ELP4: variants seen among roughly 807,000 people sequenced by gnomAD.
ELP4 encodes the protein elongator acetyltransferase complex subunit 4.
A neutral mutation model predicts 48.9 loss-of-function variants in ELP4; 51 were observed. The observed-to-expected ratio is 1.04, with a 90% CI of 0.83 to 1.32. The LOEUF is 1.32. Among genes scored for constraint, ELP4 ranks in the 40% most tolerant of loss-of-function variants. The pLI, the probability that ELP4 is intolerant of heterozygous loss-of-function variation, is 0.00. For synonymous variants in ELP4, 210 were observed against 189.2 expected, an observed-to-expected ratio of 1.11 and a Z score of -0.90; for missense variants, 519 against 514.6, an observed-to-expected ratio of 1.01 and a Z score of -0.08.
chr11:31,751,885 A>G (rs1225534001), intron 9 of ELP4, among the ~76,000 whole-genome samples: 1 of 152,126 alleles, frequency 6.6e-6, no homozygotes, highest in Non-Finnish European at 1.5e-5. Context: ...GCTACCCTTT[A>G]CAATATGCCA....
At chr11:31,651,471 G>A (rs1945317383) in intron 9 of ELP4, 1 of 151,780 alleles carries the variant, frequency 6.6e-6, no homozygotes, top group Admixed American at 6.6e-5. Flanking sequence ...AAAAGAGTGA[G>A]AGTGTGGAAA....
At chr11:31,708,867 A>T (rs77604363) in intron 9 of ELP4, among the ~76,000 whole-genome samples, 1 of 152,156 alleles carries the variant, frequency 6.6e-6, no homozygotes. Flanking sequence ...TTGAATAATT[A>T]TGCAAGGAAA....
intron 2 of ELP4, among the ~76,000 whole-genome samples, chr11:31,533,840 G>GTT (rs1388554477): frequency 6.6e-6 from 1 of 151,426 alleles, no homozygotes; most frequent in Non-Finnish European, 1.5e-5. Flanking sequence ...GTTTTGTTTT[G>GTT]TTTTGTTTTG....
chr11:31,520,803 A>G (rs1169164947), intron 2 of ELP4, among the ~76,000 whole-genome samples: 4 of 152,068 alleles, frequency 2.6e-5, no homozygotes, highest in Non-Finnish European at 5.9e-5. Context: ...TCCAAACTAA[A>G]TGGACATCAT....
chr11:31,554,156 G>C (rs1307606332), intron 3 of ELP4, among the ~76,000 whole-genome samples: 1 of 152,174 alleles, frequency 6.6e-6, no homozygotes, highest in Non-Finnish European at 1.5e-5. Flanking sequence ...ATTATGGTCA[G>C]TTATATAATT....
At chr11:31,662,473 A>G (rs1314553220) in intron 9 of ELP4, 2 of 396,202 alleles carry the variant, frequency 5.0e-6, no homozygotes, top group Non-Finnish European at 4.5e-6. Flanking sequence ...TTGTTTTAAT[A>G]CATTTTATTG....
intron 9 of ELP4, among the ~76,000 whole-genome samples, chr11:31,745,752 A>G (rs1947574805): frequency 6.6e-6 from 1 of 152,340 alleles, no homozygotes; most frequent in East Asian, 1.9e-4. Context: ...AAGATGGATT[A>G]AAGACTTAAA....
In ELP4 at chr11:31,670,608, G is replaced by A. The variant is rs567897472; in HGVS notation, c.1143+20387G>A. On this transcript the variant is annotated intron_variant, in intron 9 of 9. Transcript: ENST00000640961. ...TTTATGCTAGGGACATCAAAGATGA[G>A]GACAAAAATGTCACATTGTGATTCT... Among the ~76,000 whole-genome samples, 28 of 151,836 alleles carry A rather than the reference G, an allele frequency of 1.8e-4. 1 individual carries two copies. The highest frequency in any genetic ancestry group is 3.1e-4 in the Non-Finnish European group (21 of 67,940).
chr11:31,776,948 T>G (rs1948260704), intron 9 of ELP4, among the ~76,000 whole-genome samples: 1 of 152,208 alleles, frequency 6.6e-6, no homozygotes, highest in South Asian at 2.1e-4. Context: ...AAATGTACAC[T>G]TGCCAATCCA....
Position 31,787,446 on chromosome 11 carries a change from T to C in ELP4, c.*3922T>C. The C allele has an allele frequency of 4.3e-6, 1 of 233,170 alleles. No homozygotes were observed. The highest frequency in any genetic ancestry group is 8.5e-6 in the Non-Finnish European group (1 of 118,002). The allele number at this position is 233,170 out of a possible 1,614,324, so 14.4% of individuals were successfully genotyped here. ...TGGGCCGGAACTGGCTGCCTGACCG[T>C]GGTGGAAATTACAGCCAGCGAGAAG... On this transcript the variant is annotated 3_prime_UTR_variant, in exon 10 of 10. Transcript: ENST00000640961.
chr11:31,776,507 G>A (rs1294532556), intron 9 of ELP4, among the ~76,000 whole-genome samples: 1 of 152,216 alleles, frequency 6.6e-6, no homozygotes, highest in African/African-American at 2.4e-5. Flanking sequence ...TCTCTGAAAA[G>A]GAGAATAGAT....
intron 9 of ELP4, among the ~76,000 whole-genome samples, chr11:31,704,756 A>C (rs1364598697): frequency 1.3e-5 from 2 of 152,174 alleles, no homozygotes; most frequent in Admixed American, 6.5e-5. Flanking sequence ...TCATGCCTGT[A>C]ATCCAGCATT....
chr11:31,547,789 C>G (rs186874343), intron 3 of ELP4, among the ~76,000 whole-genome samples: 7 of 152,098 alleles, frequency 4.6e-5, no homozygotes, highest in Non-Finnish European at 8.8e-5. Context: ...TTATCCACCA[C>G]GATCAAGTGG....
intron 9 of ELP4, among the ~76,000 whole-genome samples, chr11:31,679,083 C>T (rs759885525): frequency 1.3e-5 from 2 of 152,096 alleles, no homozygotes; most frequent in Non-Finnish European, 2.9e-5. Context: ...GTTGTCTATG[C>T]ACATCTTTTG....
intron 5 of ELP4, among the ~76,000 whole-genome samples, chr11:31,623,311 A>C (rs1403869002): frequency 6.9e-6 from 1 of 144,308 alleles, no homozygotes; most frequent in East Asian, 2.1e-4. Context: ...TTTAGTAACA[A>C]ACCAAAATTT....
intron 4 of ELP4, among the ~76,000 whole-genome samples, chr11:31,598,503 C>CTTTTTT (rs10702222): frequency 1.5e-3 from 117 of 77,718 alleles, no homozygotes; most frequent in African/African-American, 2.2e-3. Flanking sequence ...TTTTCTTCTT[C>CTTTTTT]TTTTTTTTTT....
At chr11:31,734,283 C>G (rs983413537) in intron 9 of ELP4, among the ~76,000 whole-genome samples, 3 of 152,176 alleles carry the variant, frequency 2.0e-5, no homozygotes, top group African/African-American at 4.8e-5. Context: ...ACTGAAAGCT[C>G]TTCCTCTAAG....
chr11:31,679,331 A>G (rs1472838403), intron 9 of ELP4, among the ~76,000 whole-genome samples: 1 of 152,192 alleles, frequency 6.6e-6, no homozygotes, highest in East Asian at 1.9e-4. Flanking sequence ...GTCGGGCAGT[A>G]TATTAGTTTG....
At chr11:31,695,412 T>A (rs1236991376) in intron 9 of ELP4, among the ~76,000 whole-genome samples, 2 of 152,158 alleles carry the variant, frequency 1.3e-5, no homozygotes, top group Non-Finnish European at 2.9e-5. Flanking sequence ...TCTATTGAGA[T>A]AATTATGTGG....
Sources: gnomAD v4.1 joint callset for allele counts (sites outside exome capture counted in the v4.1 genomes callset) on GRCh38, gnomAD v4.1.1 for gene constraint, MANE v1.5 for transcripts, NCBI Gene and HGNC (gene_info 2026-07-23, HGNC 2026-07-21) for gene names.